The following POU6F2 variants were observed in gnomAD, a reference collection of about 807,000 sequenced individuals.
POU6F2 encodes POU domain, class 6, transcription factor 2.
A neutral mutation model predicts 71.3 loss-of-function variants in POU6F2; 31 were observed. The observed-to-expected ratio is 0.43, with a 90% CI of 0.33 to 0.59. The LOEUF (loss-of-function observed/expected upper bound fraction) is 0.59. Ranked by LOEUF, POU6F2 falls within the 20% of genes least tolerant of loss-of-function variation. The pLI is 0.04. For missense variants in POU6F2, 783 were observed against 856.8 expected, an observed-to-expected ratio of 0.91 and a Z score of 1.07; for synonymous variants, 347 against 355.7, an observed-to-expected ratio of 0.98 and a Z score of 0.27.
intron 4 of POU6F2, among the ~76,000 whole-genome samples, chr7:39,284,804 G>A (rs1051529333): frequency 6.6e-6 from 1 of 152,118 alleles, no homozygotes; most frequent in Non-Finnish European, 1.5e-5. Flanking sequence ...AGTCAAGGTT[G>A]GTAAGAATAT....
intron 1 of POU6F2, among the ~76,000 whole-genome samples, chr7:39,016,156 GATATA>G (rs1469145176): frequency 2.6e-4 from 26 of 99,880 alleles, no homozygotes; most frequent in African/African-American, 9.6e-4. Flanking sequence ...ATTATATATA[GATATA>G]ATATTATGTA....
At chr7:39,194,942 A>G (rs890836451) in intron 2 of POU6F2, among the ~76,000 whole-genome samples, 1 of 152,108 alleles carries the variant, frequency 6.6e-6, no homozygotes, top group Non-Finnish European at 1.5e-5. Context: ...CAGAAGGAGA[A>G]ACTCCGGACA....
intron 4 of POU6F2, among the ~76,000 whole-genome samples, chr7:39,245,386 G>T (rs1275145352): frequency 1.3e-5 from 2 of 152,124 alleles, no homozygotes; most frequent in South Asian, 2.1e-4. Context: ...TTACACCTAG[G>T]CATTGGGGTC....
intron 5 of POU6F2, among the ~76,000 whole-genome samples, chr7:39,394,291 T>G (rs1347572825): frequency 6.6e-6 from 1 of 152,228 alleles, no homozygotes; most frequent in East Asian, 1.9e-4. Context: ...AAAGTTCAAT[T>G]ATTAATTTTT....
At chr7:39,371,294 C>T (rs975281789) in intron 5 of POU6F2, among the ~76,000 whole-genome samples, 2 of 152,124 alleles carry the variant, frequency 1.3e-5, no homozygotes, top group Middle Eastern at 3.4e-3. Context: ...ATTCTCCTGC[C>T]TCAGCTTCTT....
chr7:39,060,403 C>A (rs546517360), intron 1 of POU6F2, among the ~76,000 whole-genome samples: 2 of 152,232 alleles, frequency 1.3e-5, no homozygotes, highest in South Asian at 4.1e-4. Context: ...TGGCTGCACA[C>A]ATTGTGAATA....
intron 5 of POU6F2, among the ~76,000 whole-genome samples, chr7:39,392,832 G>A (rs1032727310): frequency 6.6e-6 from 1 of 152,218 alleles, no homozygotes. Flanking sequence ...CAGTTACCTA[G>A]TTTCTGCTCA....
chr7:39,413,376 T>A (rs903414045), intron 6 of POU6F2, among the ~76,000 whole-genome samples: 3 of 152,156 alleles, frequency 2.0e-5, no homozygotes, highest in Non-Finnish European at 4.4e-5. Flanking sequence ...ATACCATTTT[T>A]AAATACAAAA....
rs1196036787 is a variant in POU6F2, at chr7:39,464,706, C to T, written c.*20C>T. On this transcript the variant is annotated 3_prime_UTR_variant, in exon 10 of 10. Transcript: ENST00000518318. The surrounding 1 kb of genome is among the most constrained non-coding windows in gnomAD (Gnocchi z 4.1). ...TCCTAAAGAGATGCCCACCCATAAT[C>T]AGAAGCAAAATTCACAGAAACTAAA... The T allele has an allele frequency of 2.5e-6, 4 of 1,571,006 alleles. No homozygotes were observed. Among genetic ancestry groups the T allele is most frequent in the Non-Finnish European group, 2.6e-6 (3 of 1,160,668 alleles).
At chr7:39,229,285 G>A (rs1028097013) in intron 4 of POU6F2, among the ~76,000 whole-genome samples, 1 of 152,230 alleles carries the variant, frequency 6.6e-6, no homozygotes, top group Non-Finnish European at 1.5e-5. Flanking sequence ...GAGCTGGCAA[G>A]CTTGTCTGAA....
At chr7:39,280,090 C>T (rs963937954) in intron 4 of POU6F2, among the ~76,000 whole-genome samples, 4 of 151,926 alleles carry the variant, frequency 2.6e-5, no homozygotes, top group Admixed American at 2.6e-4. Context: ...TAGGTAAGGA[C>T]CCCCTCATGA....
At chr7:38,980,987 A>AT (rs754121741) in intron 1 of POU6F2, among the ~76,000 whole-genome samples, 43 of 152,180 alleles carry the variant, frequency 2.8e-4, no homozygotes, top group Non-Finnish European at 5.7e-4. Context: ...CCAAGCAAGC[A>AT]ATTAAGCAGT....
chr7:39,205,180 A>G (rs1458570632), intron 3 of POU6F2, among the ~76,000 whole-genome samples: 1 of 152,088 alleles, frequency 6.6e-6, no homozygotes, highest in African/African-American at 2.4e-5. Flanking sequence ...GCCTGTGGAC[A>G]GAAAGCCTGG....
intron 4 of POU6F2, among the ~76,000 whole-genome samples, chr7:39,318,019 C>T (rs960228967): frequency 2.0e-5 from 3 of 152,140 alleles, no homozygotes; most frequent in African/African-American, 7.2e-5. Context: ...TAGTAGGAAA[C>T]GTTTTTTGCT....
chr7:39,081,646 A>G (rs746056761), intron 1 of POU6F2, among the ~76,000 whole-genome samples: 2 of 152,206 alleles, frequency 1.3e-5, no homozygotes, highest in Non-Finnish European at 2.9e-5. Context: ...TGTCCTGTCT[A>G]CTATACCATA....
chr7:39,136,970 G>T (rs1792400375), intron 2 of POU6F2, among the ~76,000 whole-genome samples: 1 of 136,732 alleles, frequency 7.3e-6, no homozygotes, highest in African/African-American at 2.8e-5. Flanking sequence ...AGCTGCAATT[G>T]TGCCACTGCA....
intron 2 of POU6F2, among the ~76,000 whole-genome samples, chr7:39,097,531 A>G (rs1333628784): frequency 1.3e-5 from 2 of 152,218 alleles, no homozygotes; most frequent in Admixed American, 6.5e-5. Context: ...GGAGAGGTAC[A>G]TATATACTGT....
chr7:39,400,609 A>G (rs945770764), intron 5 of POU6F2, among the ~76,000 whole-genome samples: 2 of 152,186 alleles, frequency 1.3e-5, no homozygotes, highest in Non-Finnish European at 1.5e-5. Context: ...CTGAGACCCT[A>G]CAAACACTCC....
At chr7:39,421,610 A>T (rs2115971239) in intron 6 of POU6F2, among the ~76,000 whole-genome samples, 2 of 152,314 alleles carry the variant, frequency 1.3e-5, no homozygotes, top group Middle Eastern at 3.4e-3. Context: ...AGCAATTGCC[A>T]AACATTTTCT....
Sources: allele counts gnomAD v4.1 joint callset (sites outside exome capture counted in the v4.1 genomes callset), GRCh38; gene constraint gnomAD v4.1.1; non-coding constraint Gnocchi (gnomAD v3.1); transcripts MANE v1.5; gene names NCBI Gene and HGNC (gene_info 2026-07-23, HGNC 2026-07-21).